The following HLCS variants were observed in gnomAD, a reference collection of about 807,000 sequenced individuals.
HLCS encodes biotin--protein ligase.
Under a neutral mutation model 75.0 loss-of-function variants are expected in HLCS, and 53 were observed. The observed-to-expected ratio is 0.71, with a 90% CI of 0.57 to 0.89. The LOEUF is 0.89. HLCS is among the 40% of genes least tolerant of loss of function. The pLI, the probability that HLCS is intolerant of heterozygous loss-of-function variation, is 0.00. For synonymous variants in HLCS, 431 were observed against 428.6 expected (o/e 1.01, Z -0.07); for missense variants, 966 against 1,074.0 (o/e 0.90, Z 1.41).
intron 1 of HLCS, among the ~76,000 whole-genome samples, chr21:36,981,607 C>G (rs2069123802): frequency 6.6e-6 from 1 of 151,964 alleles, no homozygotes; most frequent in South Asian, 2.1e-4. Flanking sequence ...ACCATGTTGG[C>G]CAGGCTAGTC....
At chr21:36,892,669 C>T (rs2835526) in intron 6 of HLCS, among the ~76,000 whole-genome samples, 22,522 of 152,188 alleles carry the variant, frequency 0.15, 3,613 homozygotes, top group African/African-American at 0.4. Context: ...GCAGAAACTG[C>T]TGGCTGTTCC....
At chr21:36,896,090 C>G (rs936621659) in intron 6 of HLCS, among the ~76,000 whole-genome samples, 2 of 152,204 alleles carry the variant, frequency 1.3e-5, no homozygotes. Context: ...TGGCTCACGC[C>G]TAAAATCCCA....
intron 6 of HLCS, among the ~76,000 whole-genome samples, chr21:36,840,764 C>T (rs1465879349): frequency 6.6e-6 from 1 of 152,228 alleles, no homozygotes; most frequent in South Asian, 2.1e-4. Context: ...AGGCGCCCAC[C>T]ACCACGCCTG....
intron 1 of HLCS, among the ~76,000 whole-genome samples, chr21:36,989,314 CTTTTTTTTTTT>C (rs35073331): frequency 1.2e-5 from 1 of 80,010 alleles, no homozygotes; most frequent in African/African-American, 5.2e-5. Flanking sequence ...TCTGGCCCAT[CTTTTTTTTTTT>C]TTTTTTTTTT....
At chr21:36,948,848 GTCAACTAACCCAGA>G in intron 2 of HLCS, among the ~76,000 whole-genome samples, 1 of 150,828 alleles carries the variant, frequency 6.6e-6, no homozygotes, top group Non-Finnish European at 1.5e-5. Flanking sequence ...AGCTGAAATA[GTCAACTAACCCAGA>G]TGGAGCTGAA....
chr21:36,766,511 G>A (rs889269902), intron 7 of HLCS, among the ~76,000 whole-genome samples: 3 of 152,136 alleles, frequency 2.0e-5, no homozygotes, highest in African/African-American at 4.8e-5. Flanking sequence ...TCAGGAGAAA[G>A]AAGTGGAGAA....
At chr21:36,755,233 C>T (rs945200900) in intron 10 of HLCS, among the ~76,000 whole-genome samples, 2 of 151,788 alleles carry the variant, frequency 1.3e-5, no homozygotes, top group Admixed American at 6.6e-5. Flanking sequence ...CCTGCCTCTA[C>T]AAAAAAATTT....
At chr21:36,914,778 G>A (rs1320259624) in intron 5 of HLCS, among the ~76,000 whole-genome samples, 1 of 152,244 alleles carries the variant, frequency 6.6e-6, no homozygotes, top group Admixed American at 6.5e-5. Flanking sequence ...TCCACAATGA[G>A]AGACGCGAAC....
chr21:36,850,523 G>A (rs2062958810), intron 6 of HLCS, among the ~76,000 whole-genome samples: 1 of 152,210 alleles, frequency 6.6e-6, no homozygotes, highest in African/African-American at 2.4e-5. Context: ...GTCTTGGGAA[G>A]CCCCTCCCAG....
At chr21:36,908,838 TAGAC>T (rs1379224665) in intron 5 of HLCS, among the ~76,000 whole-genome samples, 3 of 152,280 alleles carry the variant, frequency 2.0e-5, no homozygotes, top group African/African-American at 7.2e-5. Context: ...CATCTAGTGA[TAGAC>T]AGTATATCAG....
At chr21:36,958,224 CAG>C (rs1178235063) in intron 2 of HLCS, among the ~76,000 whole-genome samples, 1 of 141,282 alleles carries the variant, frequency 7.1e-6, no homozygotes, top group Admixed American at 7.4e-5. Flanking sequence ...GCCTGGGCGA[CAG>C]AGTGAGACTG....
chr21:36,840,883 G>C (rs1417548636), intron 6 of HLCS, among the ~76,000 whole-genome samples: 2 of 152,102 alleles, frequency 1.3e-5, no homozygotes, highest in Non-Finnish European at 2.9e-5. Flanking sequence ...AAAGTGCTGG[G>C]ATTACAGGTG....
chr21:36,900,422 AGT>A (rs2065189420), intron 5 of HLCS, among the ~76,000 whole-genome samples: 2 of 152,228 alleles, frequency 1.3e-5, no homozygotes, highest in East Asian at 3.9e-4. Flanking sequence ...ATTTGAGCAG[AGT>A]GAGCCTGGGC....
At chr21:36,924,651 C>T (rs1404949910) in intron 5 of HLCS, among the ~76,000 whole-genome samples, 1 of 152,312 alleles carries the variant, frequency 6.6e-6, no homozygotes, top group Non-Finnish European at 1.5e-5. Context: ...ACTCCTTCCC[C>T]GCCCTGCCCT....
At chr21:36,809,773 C>G (rs1009594476) in intron 6 of HLCS, among the ~76,000 whole-genome samples, 4 of 152,202 alleles carry the variant, frequency 2.6e-5, no homozygotes, top group African/African-American at 9.6e-5. Context: ...AGGTCTTACT[C>G]TGTCACCCAG....
In HLCS at chr21:36,756,703, G is replaced by A. The variant is rs1287171275; in HGVS notation, c.2289C>T (p.Leu763=). Residue 763 remains leucine (L), a synonymous_variant, in exon 10 of 11, where the codon CTC becomes CTT. Coordinates refer to ENST00000674895, the MANE Select transcript of HLCS (RefSeq NM_001352514.2). ...TGTGTTGTTTATTGTATTCTGTGAT[G>A]AGGTCGTTGATGCAGATGGTAGGGT... ...NSNPTICIND[L]ITEYNKQHKA... is the part of the protein sequence containing the mutation. 6.2e-7 allele frequency: 1 copy of A among 1,614,026 alleles called. No individual in the cohort carries two copies. Among genetic ancestry groups the A allele is most frequent in the Non-Finnish European group, 8.5e-7 (1 of 1,180,046 alleles).
At chr21:36,895,882 A>C (rs1305059061) in intron 6 of HLCS, among the ~76,000 whole-genome samples, 1 of 152,244 alleles carries the variant, frequency 6.6e-6, no homozygotes, top group Non-Finnish European at 1.5e-5. Flanking sequence ...TCTATAACCA[A>C]ATTTTTTAAA....
intron 6 of HLCS, among the ~76,000 whole-genome samples, chr21:36,837,004 T>C (rs1292475751): frequency 6.6e-6 from 1 of 152,026 alleles, no homozygotes; most frequent in African/African-American, 2.4e-5. Flanking sequence ...GCCAACATGG[T>C]GAAACCCCAT....
intron 2 of HLCS, chr21:36,943,134 C>G (rs2067225812): frequency 6.6e-6 from 1 of 152,050 alleles, no homozygotes. Flanking sequence ...AATTAAGGTG[C>G]TGCAGCTGCC....
Sources: gnomAD v4.1 joint callset for allele counts (sites outside exome capture counted in the v4.1 genomes callset) on GRCh38, gnomAD v4.1.1 for gene constraint, MANE v1.5 for transcripts, NCBI Gene and HGNC (gene_info 2026-07-23, HGNC 2026-07-21) for gene names.